Variants in CAMKMT observed in about 807,000 individuals in gnomAD.
CAMKMT encodes the protein calmodulin-lysine N-methyltransferase, also known as CaM KMT.
A neutral mutation model predicts 48.0 loss-of-function variants in CAMKMT; 53 were observed. That is an observed-to-expected ratio of 1.10 (90% CI 0.89 to 1.39). CAMKMT has a LOEUF of 1.39. Among genes scored for constraint, CAMKMT ranks in the 40% most tolerant of loss-of-function variants. CAMKMT has a pLI of 0.00. For missense variants in CAMKMT, 428 were observed against 402.7 expected, an observed-to-expected ratio of 1.06 and a Z score of -0.54; for synonymous variants, 165 against 152.3, an observed-to-expected ratio of 1.08 and a Z score of -0.61.
In CAMKMT at chr2:44,657,173, G is replaced by A. The variant is rs185350271; in HGVS notation, c.377-47110G>A. 6.6e-5 allele frequency among the ~76,000 whole-genome samples: 10 copies of A among 152,302 alleles called. No homozygotes were observed. The highest frequency in any genetic ancestry group is 6.5e-4 in the Admixed American group (10 of 15,302). The stretch of plus-strand genomic sequence containing the variant: ...AATCCAGTTTGTATGAGAGCCATAT[G>A]AAGGCCATCCCGTGGAGAGGTCAGG... On this transcript the variant is annotated intron_variant, in intron 3 of 10. Transcript: ENST00000378494. The surrounding 1 kb of genome is among the most constrained non-coding windows in gnomAD (Gnocchi z 4.3).
intron 3 of CAMKMT, among the ~76,000 whole-genome samples, chr2:44,540,769 T>C (rs1667063698): frequency 6.6e-6 from 1 of 152,156 alleles, no homozygotes; most frequent in Admixed American, 6.5e-5. Flanking sequence ...AACTCAGATA[T>C]GGGTTCTAGA....
At chr2:44,597,724 ATTTTTTGTTTG>A (rs897538261) in intron 3 of CAMKMT, among the ~76,000 whole-genome samples, 1 of 151,980 alleles carries the variant, frequency 6.6e-6, no homozygotes, top group African/African-American at 2.4e-5. Context: ...CTTCCTTATT[ATTTTTTGTTTG>A]TTTGTTTGTT....
intron 9 of CAMKMT, among the ~76,000 whole-genome samples, chr2:44,758,030 GTTC>G (rs1254499940): frequency 6.6e-6 from 1 of 152,222 alleles, no homozygotes; most frequent in Non-Finnish European, 1.5e-5. Flanking sequence ...CCCTGTACTG[GTTC>G]TGGGAGGATT....
chr2:44,674,786 A>G (rs1301713886), intron 3 of CAMKMT, among the ~76,000 whole-genome samples: 1 of 152,220 alleles, frequency 6.6e-6, no homozygotes, highest in East Asian at 1.9e-4. Flanking sequence ...CTGATAAACC[A>G]AAATGCTGAT....
chr2:44,577,085 T>C (rs1192164551), intron 3 of CAMKMT, among the ~76,000 whole-genome samples: 1 of 152,212 alleles, frequency 6.6e-6, no homozygotes, highest in Non-Finnish European at 1.5e-5. Context: ...TTCCCCAGGA[T>C]AGGAAAGTCA....
chr2:44,751,848 G>C (rs557708482), intron 8 of CAMKMT, among the ~76,000 whole-genome samples: 69 of 152,276 alleles, frequency 4.5e-4, no homozygotes, highest in Admixed American at 2.9e-3. Flanking sequence ...AAGACCTCAG[G>C]AAGTTGCCTT....
At chr2:44,407,218 A>G (rs1306278067) in intron 3 of CAMKMT, among the ~76,000 whole-genome samples, 1 of 152,078 alleles carries the variant, frequency 6.6e-6, no homozygotes, top group South Asian at 2.1e-4. Context: ...GTTTTTTTCA[A>G]TAATTTTGCT....
intron 3 of CAMKMT, among the ~76,000 whole-genome samples, chr2:44,600,255 C>A (rs1670905369): frequency 6.6e-6 from 1 of 151,162 alleles, no homozygotes; most frequent in Non-Finnish European, 1.5e-5. Flanking sequence ...TATCATGAGA[C>A]CAAGATTTTT....
intron 3 of CAMKMT, among the ~76,000 whole-genome samples, chr2:44,500,122 A>G (rs889956299): frequency 6.6e-6 from 1 of 152,198 alleles, no homozygotes; most frequent in African/African-American, 2.4e-5. Context: ...TGACTAAAAT[A>G]TAAGCACAGA....
intron 5 of CAMKMT, among the ~76,000 whole-genome samples, 160 bp from the exon 6 acceptor site, chr2:44,707,239 A>G (rs1392456827): frequency 1.3e-5 from 2 of 152,206 alleles, no homozygotes; most frequent in Non-Finnish European, 2.9e-5. Context: ...ATTTGATTGA[A>G]TGATTAAAAT....
Position 44,772,569 on chromosome 2 carries a change from G to A in CAMKMT, c.*456G>A, listed in dbSNP as rs1681161161. 1 of 152,320 alleles carries A rather than the reference G, an allele frequency of 6.6e-6. No homozygotes were observed. The highest frequency in any genetic ancestry group is 1.4e-5 in the Non-Finnish European group (1 of 69,022). The allele number at this position is 152,320 out of a possible 1,614,324, so 9.4% of individuals were successfully genotyped here. A position where few individuals can be genotyped will look rare whatever the true frequency, so the allele number is the denominator to read the frequency against. ...TTTCCTGGTTAGAAAAATAAATAAA[G>A]TGTATCTTTTTATCTCCCTCCAATT... is the stretch of plus-strand genomic sequence containing the variant. On this transcript the variant is annotated 3_prime_UTR_variant, in exon 11 of 11. Transcript: ENST00000378494.
At chr2:44,430,132 A>G (rs1438572627) in intron 3 of CAMKMT, among the ~76,000 whole-genome samples, 2 of 152,028 alleles carry the variant, frequency 1.3e-5, no homozygotes, top group Non-Finnish European at 2.9e-5. Flanking sequence ...TATTCCATGT[A>G]AAACAGTGGT....
chr2:44,584,179 A>T (rs535991053), intron 3 of CAMKMT, among the ~76,000 whole-genome samples: 4 of 152,266 alleles, frequency 2.6e-5, no homozygotes, highest in African/African-American at 9.6e-5. Context: ...CCATGTTCTT[A>T]TGTGTATCAC....
intron 3 of CAMKMT, among the ~76,000 whole-genome samples, chr2:44,593,255 T>G (rs559453908): frequency 6.6e-6 from 1 of 152,380 alleles, no homozygotes; most frequent in African/African-American, 2.4e-5. Flanking sequence ...ATGCACAATT[T>G]CCAGTTCTTT....
At chr2:44,502,828 T>C (rs1039201592) in intron 3 of CAMKMT, among the ~76,000 whole-genome samples, 1 of 152,182 alleles carries the variant, frequency 6.6e-6, no homozygotes, top group Non-Finnish European at 1.5e-5. Context: ...TAATAAAATA[T>C]ATTATAGTTC....
At chr2:44,596,381 G>A (rs770310251) in intron 3 of CAMKMT, among the ~76,000 whole-genome samples, 35 of 151,758 alleles carry the variant, frequency 2.3e-4, no homozygotes, top group Non-Finnish European at 4.3e-4. Flanking sequence ...CCCTGGAGGC[G>A]GAGGTTGCAA....
intron 3 of CAMKMT, among the ~76,000 whole-genome samples, chr2:44,685,403 C>T (rs1160981167): frequency 2.0e-5 from 3 of 152,126 alleles, no homozygotes; most frequent in African/African-American, 7.2e-5. Flanking sequence ...GCTTAGAATA[C>T]ACTGGGGCTG....
At chr2:44,390,377 TCTCA>T (rs1277608956) in intron 3 of CAMKMT, 72 bp downstream of exon 3, 4 of 1,101,364 alleles carry the variant, frequency 3.6e-6, no homozygotes, top group Non-Finnish European at 5.3e-6. Flanking sequence ...GATGTTTTCT[TCTCA>T]CTAATATTTA....
chr2:44,540,602 T>G (rs1195154527), intron 3 of CAMKMT, among the ~76,000 whole-genome samples: 3 of 151,908 alleles, frequency 2.0e-5, no homozygotes, highest in African/African-American at 7.3e-5. Flanking sequence ...AACACAAAAA[T>G]TAGCCGGACA....
Sources: allele counts gnomAD v4.1 joint callset (sites outside exome capture counted in the v4.1 genomes callset), GRCh38; gene constraint gnomAD v4.1.1; non-coding constraint Gnocchi (gnomAD v3.1); transcripts MANE v1.5; gene names NCBI Gene and HGNC (gene_info 2026-07-23, HGNC 2026-07-21).